Variants in SYNPR observed in about 807,000 individuals in gnomAD.
SYNPR encodes the protein synaptoporin.
SYNPR carries 23 observed loss-of-function variants against 32.9 expected under a neutral mutation model. The observed-to-expected ratio is 0.70, with a 90% CI of 0.50 to 0.99. The LOEUF (loss-of-function observed/expected upper bound fraction) is 0.99. Among genes scored for constraint, SYNPR ranks in the 50% least tolerant of loss-of-function variants. SYNPR has a pLI of 0.00. For missense variants in SYNPR, 318 were observed against 349.3 expected, an observed-to-expected ratio of 0.91 and a Z score of 0.71; for synonymous variants, 146 against 135.9, an observed-to-expected ratio of 1.07 and a Z score of -0.52.
At chr3:63,435,258 C>G (rs890708938) in intron 2 of SYNPR, among the ~76,000 whole-genome samples, 1 of 152,154 alleles carries the variant, frequency 6.6e-6, no homozygotes, top group Non-Finnish European at 1.5e-5. Flanking sequence ...CGCACTAAAC[C>G]TTATCATTTT....
intron 1 of SYNPR, among the ~76,000 whole-genome samples, chr3:63,235,038 T>G (rs562349358): frequency 6.6e-6 from 1 of 152,216 alleles, no homozygotes; most frequent in Non-Finnish European, 1.5e-5. Flanking sequence ...CTGATATTGA[T>G]ACCATCTACT....
At chr3:63,300,842 G>T (rs1046670125) in intron 2 of SYNPR, among the ~76,000 whole-genome samples, 25 of 151,982 alleles carry the variant, frequency 1.6e-4, no homozygotes, top group African/African-American at 5.5e-4. Flanking sequence ...TTATTTCCTG[G>T]AAAGCACTCC....
At chr3:63,262,003 T>C (rs1238160927) in intron 2 of SYNPR, among the ~76,000 whole-genome samples, 1 of 141,964 alleles carries the variant, frequency 7.0e-6, no homozygotes, top group African/African-American at 2.6e-5. Context: ...GTTGTGCACA[T>C]GTACCCTAAA....
chr3:63,260,341 CAAAACAGCA>C (rs2086427399), intron 2 of SYNPR, among the ~76,000 whole-genome samples: 5 of 152,116 alleles, frequency 3.3e-5, no homozygotes, highest in Admixed American at 3.3e-4. Context: ...CCACAGTAAC[CAAAACAGCA>C]TGGTACTGGT....
intron 2 of SYNPR, among the ~76,000 whole-genome samples, chr3:63,335,476 A>G (rs1466138840): frequency 6.6e-6 from 1 of 152,112 alleles, no homozygotes; most frequent in Non-Finnish European, 1.5e-5. Flanking sequence ...CTGTACCTGA[A>G]AGTCCAGGAG....
chr3:63,579,788 A>AAC (rs59802344), intron 4 of SYNPR, among the ~76,000 whole-genome samples: 4,375 of 146,144 alleles, frequency 0.03, 45 homozygotes, highest in Non-Finnish European at 0.036. Context: ...ATTTAACTAA[A>AAC]ACACACACAC....
In SYNPR at chr3:63,415,966, T is replaced by C. The variant is rs2088533791; in HGVS notation, c.85-64866T>C. Among the ~76,000 whole-genome samples the C allele has an allele frequency of 2.6e-5, 4 of 152,352 alleles. No individual in the cohort carries two copies. In the South Asian group the frequency reaches 8.3e-4, roughly 32 times the overall value. ...AGTTGCCTGATTCACTTAGCCATAC[T>C]GTTACTCTCAGAAAGCAACAGATGA... On this transcript the variant is annotated intron_variant, in intron 2 of 5. Coordinates refer to ENST00000478300, the MANE Select transcript of SYNPR (RefSeq NM_001130003.2).
intron 2 of SYNPR, among the ~76,000 whole-genome samples, chr3:63,376,195 T>TA (rs1560209666): frequency 6.6e-6 from 1 of 152,232 alleles, no homozygotes; most frequent in Non-Finnish European, 1.5e-5. Context: ...TACAATCTTC[T>TA]AAGTCGTTCT....
chr3:63,268,687 T>C (rs974985760), intron 3 of SYNPR, among the ~76,000 whole-genome samples: 3 of 125,594 alleles, frequency 2.4e-5, no homozygotes, highest in African/African-American at 6.6e-5. Flanking sequence ...AGAGGAGGGG[T>C]TGATCTTGCT....
At chr3:63,431,336 G>T (rs1699989624) in intron 2 of SYNPR, among the ~76,000 whole-genome samples, 1 of 152,148 alleles carries the variant, frequency 6.6e-6, no homozygotes, top group Non-Finnish European at 1.5e-5. Context: ...ACAATCAAGT[G>T]CGCAGGGTTT....
chr3:63,429,261 T>C (rs1699943680), intron 2 of SYNPR, among the ~76,000 whole-genome samples: 1 of 152,188 alleles, frequency 6.6e-6, no homozygotes, highest in African/African-American at 2.4e-5. Flanking sequence ...AATTTGCATA[T>C]CATAAACCAA....
intron 1 of SYNPR, among the ~76,000 whole-genome samples, chr3:63,247,514 G>A (rs531690303): frequency 2.0e-5 from 3 of 152,044 alleles, no homozygotes; most frequent in Admixed American, 6.6e-5. Flanking sequence ...TGGTTAGGGC[G>A]TCTCTGCCTA....
At chr3:63,382,816 C>T (rs2087989255) in intron 2 of SYNPR, among the ~76,000 whole-genome samples, 1 of 152,096 alleles carries the variant, frequency 6.6e-6, no homozygotes. Flanking sequence ...CTGTTTTTTA[C>T]TTTCCCACCT....
chr3:63,501,014 A>G (rs1701466407), intron 3 of SYNPR, among the ~76,000 whole-genome samples: 1 of 152,182 alleles, frequency 6.6e-6, no homozygotes, highest in African/African-American at 2.4e-5. Context: ...CATTGAATGA[A>G]ATAATGATAG....
At chr3:63,589,016 G>A (rs529921052) in intron 4 of SYNPR, among the ~76,000 whole-genome samples, 2 of 152,122 alleles carry the variant, frequency 1.3e-5, no homozygotes, top group African/African-American at 4.8e-5. Flanking sequence ...CTTTGGTCCT[G>A]GCCAACCCAG....
At chr3:63,336,519 CAAAAAAAAAAAAAAAAAAAAAAAAAAAA>C (rs3082131) in intron 2 of SYNPR, among the ~76,000 whole-genome samples, 5,512 of 49,006 alleles carry the variant, frequency 0.11, 243 homozygotes, top group Middle Eastern at 0.29. Flanking sequence ...CATTCCCATG[CAAAAAAAAAAAAAAAAAAAAAAAAAAAA>C]AAAAAAAAAA....
At chr3:63,424,467 G>C (rs919916842) in intron 2 of SYNPR, among the ~76,000 whole-genome samples, 63 of 152,240 alleles carry the variant, frequency 4.1e-4, no homozygotes, top group African/African-American at 1.5e-3. Context: ...CTACCTTGGA[G>C]AATGATTGAG....
At chr3:63,497,547 T>C (rs901932873) in intron 3 of SYNPR, among the ~76,000 whole-genome samples, 37 of 145,590 alleles carry the variant, frequency 2.5e-4, no homozygotes, top group African/African-American at 9.8e-4. Flanking sequence ...TTGTGGGGTG[T>C]TGCTGTTTTT....
chr3:63,424,662 C>T (rs557511781), intron 2 of SYNPR, among the ~76,000 whole-genome samples: 20 of 152,276 alleles, frequency 1.3e-4, no homozygotes, highest in East Asian at 1.9e-4. Flanking sequence ...ACAAGCTTCG[C>T]TTTGCAATCA....
Sources: allele counts gnomAD v4.1 joint callset (sites outside exome capture counted in the v4.1 genomes callset), GRCh38; gene constraint gnomAD v4.1.1; transcripts MANE v1.5; gene names NCBI Gene and HGNC (gene_info 2026-07-23, HGNC 2026-07-21).